Variants in NCOA2 observed in about 807,000 individuals in gnomAD.
NCOA2 encodes the protein nuclear receptor coactivator 2.
NCOA2 carries 21 observed loss-of-function variants against 145.1 expected under a neutral mutation model. The ratio of observed to expected loss-of-function variants is 0.14; its 90% CI spans 0.10 to 0.21. The LOEUF is 0.21. NCOA2 is among the 10% of genes least tolerant of loss of function. NCOA2 has a pLI of 1.00. For missense variants in NCOA2, 1,472 were observed against 1,837.6 expected (o/e 0.80, Z 3.64); for synonymous variants, 619 against 637.5 (o/e 0.97, Z 0.44).
chr8:70,240,585 A>C (rs753401198), intron 2 of NCOA2, among the ~76,000 whole-genome samples: 11 of 152,174 alleles, frequency 7.2e-5, no homozygotes, highest in Non-Finnish European at 1.6e-4. Context: ...GAGGGTTCCG[A>C]AGTGCCAGAA....
At chr8:70,356,302 C>A (rs1219797285) in intron 1 of NCOA2, among the ~76,000 whole-genome samples, 1 of 148,898 alleles carries the variant, frequency 6.7e-6, no homozygotes, top group Non-Finnish European at 1.5e-5. Context: ...GTAAATGATA[C>A]CAAAAAGAAA....
intron 2 of NCOA2, among the ~76,000 whole-genome samples, chr8:70,291,374 T>C (rs964872411): frequency 5.9e-5 from 9 of 152,180 alleles, no homozygotes; most frequent in Non-Finnish European, 1.2e-4. Context: ...TTAATTACTT[T>C]CAAAGAATAC....
intron 1 of NCOA2, among the ~76,000 whole-genome samples, chr8:70,333,902 C>T (rs1807320314): frequency 6.7e-6 from 1 of 150,340 alleles, no homozygotes; most frequent in Admixed American, 6.6e-5. Flanking sequence ...TTGTTAATTT[C>T]CCTCCTTCCT....
chr8:70,120,545 A>AC (rs1387050315), intron 22 of NCOA2, among the ~76,000 whole-genome samples: 1 of 152,018 alleles, frequency 6.6e-6, no homozygotes, highest in Non-Finnish European at 1.5e-5. Context: ...ACATGGTGAA[A>AC]CCCCATCTCT....
At chr8:70,390,367 T>C (rs1027584090) in intron 1 of NCOA2, among the ~76,000 whole-genome samples, 12 of 152,226 alleles carry the variant, frequency 7.9e-5, no homozygotes, top group South Asian at 2.1e-4. Context: ...CAAGTGTTTT[T>C]CTGGAGTTAT....
the NCOA2 span, among the ~76,000 whole-genome samples, chr8:70,439,804 A>T: frequency 6.6e-6 from 1 of 152,124 alleles, no homozygotes; most frequent in Non-Finnish European, 1.5e-5. Flanking sequence ...CATGGACTCT[A>T]TTCATCCCGT....
intron 1 of NCOA2, among the ~76,000 whole-genome samples, chr8:70,380,637 G>T (rs887963273): frequency 2.6e-5 from 4 of 152,008 alleles, no homozygotes; most frequent in African/African-American, 9.7e-5. Context: ...TATTCATTCT[G>T]TACAGCCCTC....
At chr8:70,320,667 T>C (rs1179833531) in intron 1 of NCOA2, among the ~76,000 whole-genome samples, 4 of 152,098 alleles carry the variant, frequency 2.6e-5, no homozygotes, top group African/African-American at 4.8e-5. Flanking sequence ...AAATTAAAAG[T>C]TTTTCTAAAA....
At chr8:70,422,241 T>C in the NCOA2 span, among the ~76,000 whole-genome samples, 1 of 152,210 alleles carries the variant, frequency 6.6e-6, no homozygotes, top group Non-Finnish European at 1.5e-5. Flanking sequence ...GTTAAACTAG[T>C]GCTTCTTGCA....
intron 2 of NCOA2, among the ~76,000 whole-genome samples, chr8:70,233,279 G>A (rs1272771444): frequency 6.6e-6 from 1 of 151,708 alleles, no homozygotes; most frequent in African/African-American, 2.4e-5. Flanking sequence ...ACCCCAGAAG[G>A]GTCTACAGAA....
At chr8:70,413,608 C>A in the NCOA2 span, among the ~76,000 whole-genome samples, 1 of 152,102 alleles carries the variant, frequency 6.6e-6, no homozygotes, top group Non-Finnish European at 1.5e-5. Context: ...GAGTAATATA[C>A]CCTTCACTTC....
chr8:70,142,425 G>A (rs918804421), intron 13 of NCOA2, among the ~76,000 whole-genome samples: 2 of 152,190 alleles, frequency 1.3e-5, no homozygotes, highest in Non-Finnish European at 2.9e-5. Flanking sequence ...GAGGCCAGGC[G>A]CGGTGGCTCA....
At position 70,248,676 on chromosome 8, in the gene NCOA2, G is replaced by A. The variant is rs116720284; in HGVS notation, c.-19-31912C>T. Among the ~76,000 whole-genome samples, 1,432 of 152,016 alleles carry A rather than the reference G, an allele frequency of 9.4e-3. 21 individuals are homozygous for A. The highest frequency in any genetic ancestry group is 0.032 in the African/African-American group (1,334 of 41,436). On this transcript the variant is annotated intron_variant, in intron 2 of 22. Coordinates refer to ENST00000452400, the MANE Select transcript of NCOA2 (RefSeq NM_006540.4). The stretch of plus-strand genomic sequence containing the variant: ...TCTCATATACACGAAATCATCTCTA[G>A]ATTACTTATGATACCTAATAAAATG...
At chr8:70,243,951 T>C (rs373872262) in intron 2 of NCOA2, among the ~76,000 whole-genome samples, 2 of 152,082 alleles carry the variant, frequency 1.3e-5, no homozygotes, top group South Asian at 4.1e-4. Context: ...TATTAAACTA[T>C]ACTGTGCTAA....
the NCOA2 span, among the ~76,000 whole-genome samples, chr8:70,445,326 A>G: frequency 6.6e-6 from 1 of 152,218 alleles, no homozygotes; most frequent in Non-Finnish European, 1.5e-5. Flanking sequence ...GCTTGGTTGA[A>G]GCATAAATTA....
intron 4 of NCOA2, among the ~76,000 whole-genome samples, chr8:70,210,837 T>C (rs1247284592): frequency 6.6e-6 from 1 of 152,196 alleles, no homozygotes; most frequent in Non-Finnish European, 1.5e-5. Context: ...TTAACTTCTC[T>C]AGGATAAATA....
chr8:70,446,529 A>G, the NCOA2 span, among the ~76,000 whole-genome samples: 1 of 152,178 alleles, frequency 6.6e-6, no homozygotes, highest in African/African-American at 2.4e-5. Context: ...TCTCGTTGCC[A>G]TAATTCCTGG....
chr8:70,304,666 G>GT lies in NCOA2; in HGVS notation c.-76-7867dup, dbSNP rs796950895. On this transcript the variant is annotated intron_variant, in intron 1 of 22. Transcript: ENST00000452400. ...TTTTTTTGTTTTGTTTTGTTTTTTT[G>GT]TTTTTTTTTTAGTAGAGACAGGGTT... 2.6e-3 allele frequency among the ~76,000 whole-genome samples: 383 copies of GT among 145,316 alleles called. 1 individual carries two copies. The highest frequency in any genetic ancestry group is 6.2e-3 in the African/African-American group (244 of 39,496).
At chr8:70,168,393 A>C (rs564138713) in intron 6 of NCOA2, among the ~76,000 whole-genome samples, 1 of 152,294 alleles carries the variant, frequency 6.6e-6, no homozygotes, top group South Asian at 2.1e-4. Flanking sequence ...ATCTTGGCTC[A>C]CTGAAATCTC....
Sources: gnomAD v4.1 joint callset for allele counts (sites outside exome capture counted in the v4.1 genomes callset) on GRCh38, gnomAD v4.1.1 for gene constraint, MANE v1.5 for transcripts, NCBI Gene and HGNC (gene_info 2026-07-23, HGNC 2026-07-21) for gene names.